Variants in MAEA observed in about 807,000 individuals in gnomAD.
MAEA encodes the protein macrophage erythroblast attacher, E3 ubiquitin ligase, also known as E3 ubiquitin-protein transferase MAEA.
Under a neutral mutation model 46.2 loss-of-function variants are expected in MAEA, and 22 were observed. The ratio of observed to expected loss-of-function variants is 0.48; its 90% confidence interval spans 0.34 to 0.68. The LOEUF (loss-of-function observed/expected upper bound fraction) is 0.68. Ranked by LOEUF, MAEA falls within the 30% of genes least tolerant of loss-of-function variation. The pLI is 0.01. For synonymous variants in MAEA, 246 were observed against 222.6 expected, an observed-to-expected ratio of 1.11 and a Z score of -0.94; for missense variants, 393 against 558.1, an observed-to-expected ratio of 0.70 and a Z score of 2.98.
rs983011991 is a variant in MAEA at position 1,309,768 on chromosome 4, C to G, written c.70-2211C>G. On this transcript the variant is annotated intron_variant, in intron 1 of 8. Transcript: ENST00000303400. ...GCGTTCTGCGTAACCGTGGCGCGTT[C>G]TGGGCAGGGCCTTTTCCCTTGCACT... is the stretch of plus-strand genomic sequence containing the variant. 4.8e-6 allele frequency: 7 copies of G among 1,467,806 alleles called. No individual in the cohort carries two copies. In the Admixed American group the frequency reaches 1.3e-4, roughly 28 times the overall value. 90.9% of individuals were successfully genotyped at this position (1,467,806 alleles called of 1,614,324 possible). A position where few individuals can be genotyped will look rare whatever the true frequency, so the allele number is the denominator to read the frequency against.
intron 5 of MAEA, chr4:1,330,720 T>C (rs1322446360): frequency 6.6e-6 from 1 of 152,248 alleles, no homozygotes; most frequent in Non-Finnish European, 1.5e-5. Context: ...GTCCTGTGGA[T>C]GCATACCGTG....
At chr4:1,294,497 G>A (rs76731644) in intron 1 of MAEA, among the ~76,000 whole-genome samples, 13,388 of 152,096 alleles carry the variant, frequency 0.088, 1,258 homozygotes, top group East Asian at 0.42. Context: ...CAGTACTGAC[G>A]TGAGGCCTGG....
rs374333890 is a variant in MAEA, at chr4:1,317,441, C to T, written c.456+1841C>T. Among the ~76,000 whole-genome samples the T allele has an allele frequency of 5.7e-4, 87 of 151,902 alleles. 1 individual carries two copies. The South Asian group carries it at 0.015, about 26-fold the overall frequency. ...CCACCCTCTTGCTGGCTCTTGTCCT[C>T]GGCATTTGTCCCGCACCTCGTTCAC... On this transcript the variant is annotated intron_variant, in intron 3 of 8. Transcript: ENST00000303400.
At chr4:1,292,001 G>A (rs1734150136) in intron 1 of MAEA, among the ~76,000 whole-genome samples, 1 of 152,184 alleles carries the variant, frequency 6.6e-6, no homozygotes, top group Non-Finnish European at 1.5e-5. Context: ...CCTTGATTTA[G>A]AAGCATTTAT....
intron 1 of MAEA, chr4:1,309,759 T>C (rs1467675498): frequency 1.3e-6 from 2 of 1,485,546 alleles, no homozygotes; most frequent in East Asian, 2.5e-5. Flanking sequence ...TGCGTAACCG[T>C]GGCGCGTTCT....
At chr4:1,294,633 C>T (rs1734444257) in intron 1 of MAEA, among the ~76,000 whole-genome samples, 1 of 151,944 alleles carries the variant, frequency 6.6e-6, no homozygotes, top group South Asian at 2.1e-4. Context: ...CAGGTACGGT[C>T]AGGCCCTGCA....
chr4:1,312,967 C>G (rs979528333), intron 2 of MAEA, among the ~76,000 whole-genome samples: 1 of 152,198 alleles, frequency 6.6e-6, no homozygotes, highest in African/African-American at 2.4e-5. Flanking sequence ...CTGCTGTTGT[C>G]CCCTGGAGTG....
intron 6 of MAEA, chr4:1,335,036 T>TC (rs1712563251): frequency 2.0e-6 from 2 of 985,178 alleles, no homozygotes; most frequent in Admixed American, 6.2e-5. Flanking sequence ...TGTGGCCGTC[T>TC]CCCCCCAAGC....
At chr4:1,330,054 C>T (rs1417867719) in intron 5 of MAEA, 17 of 985,264 alleles carry the variant, frequency 1.7e-5, no homozygotes, top group South Asian at 9.4e-5. Context: ...CAGGGGGCCT[C>T]GTTGGCTGGG....
chr4:1,290,677 C>T (rs1395735828), intron 1 of MAEA, among the ~76,000 whole-genome samples: 1 of 152,224 alleles, frequency 6.6e-6, no homozygotes, highest in Non-Finnish European at 1.5e-5. Flanking sequence ...TTTCCTAGAG[C>T]TGCGGCTGAG....
At chr4:1,329,688 C>G in intron 5 of MAEA, 1 of 985,710 alleles carries the variant, frequency 1.0e-6, no homozygotes, top group Non-Finnish European at 1.2e-6. Flanking sequence ...ACAAGGCACA[C>G]GGGAGCTGGG....
intron 1 of MAEA, among the ~76,000 whole-genome samples, chr4:1,300,825 T>C (rs1234508139): frequency 6.6e-6 from 1 of 152,218 alleles, no homozygotes; most frequent in African/African-American, 2.4e-5. Flanking sequence ...CCCTCAGAAG[T>C]TGACTGGAAG....
chr4:1,295,680 C>T (rs1181295301), intron 1 of MAEA, among the ~76,000 whole-genome samples: 1 of 104,186 alleles, frequency 9.6e-6, no homozygotes, highest in African/African-American at 3.5e-5. Flanking sequence ...CCCTCACCCG[C>T]TCCTATACCC....
Position 1,339,101 on chromosome 4 carries a change from A to G in MAEA, c.1123A>G (p.Lys375Glu), listed in dbSNP as rs774276879. The G allele has an allele frequency of 3.7e-6, 6 of 1,613,822 alleles. No individual in the cohort carries two copies. Among genetic ancestry groups the G allele is most frequent in the East Asian group, 2.2e-5 (1 of 44,886 alleles). Residue 375 changes from lysine (K) to glutamate (E), a missense_variant, in exon 9 of 9, where the codon AAA (lysine) becomes GAA (glutamate). Lys to Glu is a moderately conservative substitution (Grantham distance 56). Around this residue, in one of 2 missense-constraint regions of MAEA, gnomAD observed 358 missense variants for 537.9 expected, o/e 0.67. Transcript: ENST00000303400. ...NSLLSIRQDD[K>E]VVCPRTKEVF... is the part of the protein sequence containing the mutation. ...TCTGCTTTCTATCCGTCAAGATGAT[A>G]AAGTCGTGTGCCCGAGAACCAAAGA...
chr4:1,292,716 T>C (rs73069976), intron 1 of MAEA, among the ~76,000 whole-genome samples: 23,394 of 151,964 alleles, frequency 0.15, 3,472 homozygotes, highest in East Asian at 0.42. Context: ...GGATCCTGCT[T>C]TAAGGGACTT....
chr4:1,290,167 G>A (rs1577108670), intron 1 of MAEA, among the ~76,000 whole-genome samples, 185 bp downstream of exon 1: 1 of 151,188 alleles, frequency 6.6e-6, no homozygotes, highest in South Asian at 2.1e-4. Flanking sequence ...CGGGGGCGGC[G>A]GCTTTGGCCC....
At chr4:1,332,925 T>C in intron 6 of MAEA, 60 bp downstream of exon 6, 2 of 1,341,488 alleles carry the variant, frequency 1.5e-6, no homozygotes, top group Non-Finnish European at 2.1e-6. Context: ...GGTGTGTCTC[T>C]GGTCTGTAGC....
intron 1 of MAEA, among the ~76,000 whole-genome samples, chr4:1,310,532 T>C (rs1374022708): frequency 6.6e-6 from 1 of 152,146 alleles, no homozygotes; most frequent in Non-Finnish European, 1.5e-5. Flanking sequence ...TGGTTAAGCG[T>C]GTTGTGTCTT....
chr4:1,307,889 C>T (rs1445205185), intron 1 of MAEA, among the ~76,000 whole-genome samples: 1 of 152,144 alleles, frequency 6.6e-6, no homozygotes, highest in African/African-American at 2.4e-5. Context: ...CACTCACCCA[C>T]CAGTCTCCTC....
Sources: gnomAD v4.1 joint callset for allele counts (sites outside exome capture counted in the v4.1 genomes callset) on GRCh38, gnomAD v4.1.1 for gene constraint, gnomAD v4.1.1 regional missense constraint, MANE v1.5 for transcripts, NCBI Gene and HGNC (gene_info 2026-07-23, HGNC 2026-07-21) for gene names.